The following CSMD2 variants were observed in gnomAD, a reference collection of about 807,000 sequenced individuals.
The protein encoded by CSMD2 is CUB and Sushi multiple domains 2, also known as CUB and sushi domain-containing protein 2.
In CSMD2, 130 loss-of-function variants were observed where a neutral mutation model predicts 398.5. The ratio of observed to expected loss-of-function variants is 0.33; its 90% CI spans 0.28 to 0.38. The LOEUF (loss-of-function observed/expected upper bound fraction) is 0.38, where lower values mean the gene tolerates loss of function less well. Ranked by LOEUF, CSMD2 falls within the 10% of genes least tolerant of loss-of-function variation. The probability of loss-of-function intolerance (pLI) is 1.00; values close to 1 mark genes in which losing one functional copy is unlikely to be tolerated. For missense variants in CSMD2, 3,829 were observed against 4,764.9 expected, an observed-to-expected ratio of 0.80 and a Z score of 5.78; for synonymous variants, 1,828 against 1,908.5, an observed-to-expected ratio of 0.96 and a Z score of 1.10.
intron 21 of CSMD2, among the ~76,000 whole-genome samples, chr1:33,710,670 G>A (rs72662077): frequency 0.052 from 7,910 of 152,198 alleles, 257 homozygotes; most frequent in South Asian, 0.07. Flanking sequence ...TTGACCAAAG[G>A]GCCATTGCTT....
intron 19 of CSMD2, 57 bp from the exon 20 acceptor site, chr1:33,716,558 C>G: frequency 8.7e-7 from 1 of 1,143,840 alleles, no homozygotes; most frequent in Non-Finnish European, 1.2e-6. Context: ...AGAACCTCAG[C>G]TGCAAGACAG....
chr1:33,539,160 G>T (rs1656091284), intron 60 of CSMD2, among the ~76,000 whole-genome samples: 1 of 152,080 alleles, frequency 6.6e-6, no homozygotes, highest in South Asian at 2.1e-4. Context: ...TACAGACAGG[G>T]TTTCACCTTG....
chr1:33,635,118 G>A lies in CSMD2; in HGVS notation c.5086+96C>T, dbSNP rs1642719337. On this transcript the variant is annotated intron_variant, in intron 31 of 70. Coordinates refer to ENST00000373381, the MANE Select transcript of CSMD2 (RefSeq NM_001281956.2). This position sits in a 1 kb window ranked among gnomAD's most constrained non-coding sequence, Gnocchi z 5.0. ...ACTGTTCTGCGATTCCCACAATGGG[G>A]CTGTATATAATTGGGAGGCGTCTGA... The A allele has an allele frequency of 1.4e-6, 1 of 738,574 alleles. No homozygotes were observed. Among genetic ancestry groups the A allele is most frequent in the African/African-American group, 1.7e-5 (1 of 57,166 alleles). 45.8% of individuals were successfully genotyped at this position (738,574 alleles called of 1,614,324 possible).
At chr1:33,955,609 G>A (rs2125381262) in intron 3 of CSMD2, among the ~76,000 whole-genome samples, 1 of 152,246 alleles carries the variant, frequency 6.6e-6, no homozygotes, top group Non-Finnish European at 1.5e-5. Context: ...CTCATCTGTA[G>A]AATGAAATGT....
chr1:34,030,721 C>A (rs10914852), intron 3 of CSMD2, among the ~76,000 whole-genome samples: 1 of 152,070 alleles, frequency 6.6e-6, no homozygotes, highest in Non-Finnish European at 1.5e-5. Flanking sequence ...CACCTTTTTC[C>A]TCAAGCCTCA....
chr1:34,025,095 G>T (rs1015957882), intron 3 of CSMD2, among the ~76,000 whole-genome samples: 3 of 152,124 alleles, frequency 2.0e-5, no homozygotes, highest in African/African-American at 2.4e-5. Context: ...GTGTTCTGAG[G>T]CTTGCTCCTA....
intron 2 of CSMD2, 51 bp downstream of exon 2, chr1:34,088,926 C>T (rs967571637): frequency 1.4e-6 from 2 of 1,474,906 alleles, no homozygotes; most frequent in Non-Finnish European, 1.9e-6. Context: ...TCCTAGTGAG[C>T]TTGGCTCATA....
chr1:33,952,630 TAC>T (rs1369832931), intron 3 of CSMD2, among the ~76,000 whole-genome samples: 2 of 152,116 alleles, frequency 1.3e-5, no homozygotes, highest in Non-Finnish European at 2.9e-5. Context: ...TCAGAGCATT[TAC>T]AGTCATGAGT....
chr1:33,670,800 T>C (rs1644471334), intron 25 of CSMD2, among the ~76,000 whole-genome samples: 2 of 152,222 alleles, frequency 1.3e-5, no homozygotes, highest in Admixed American at 1.3e-4. Context: ...GAATATGGCA[T>C]GCTTCCACCC....
intron 5 of CSMD2, among the ~76,000 whole-genome samples, chr1:33,849,095 C>A (rs2125084700): frequency 6.6e-6 from 1 of 152,246 alleles, no homozygotes; most frequent in African/African-American, 2.4e-5. Context: ...ACACATTTAC[C>A]CACTCCTAGA....
intron 1 of CSMD2, among the ~76,000 whole-genome samples, chr1:34,119,141 G>A (rs978463952): frequency 2.6e-5 from 4 of 152,178 alleles, no homozygotes; most frequent in Admixed American, 1.3e-4. Context: ...AATGGTCTTT[G>A]ACAAGGGTGT....
Position 34,037,119 on chromosome 1 carries a change from A to AATTT in CSMD2, c.405-4414_405-4413insAAAT, listed in dbSNP as rs1558283076. Among the ~76,000 whole-genome samples the AATTT allele has an allele frequency of 5.7e-3, 862 of 151,636 alleles. 10 individuals carry two copies. The highest frequency in any genetic ancestry group is 0.024 in the Middle Eastern group (7 of 286). On this transcript the variant is annotated intron_variant, in intron 2 of 70. Coordinates refer to ENST00000373381, the MANE Select transcript of CSMD2 (RefSeq NM_001281956.2). ...AAACACCCTCTACCAATAAAAAATT[A>AATTT]AATTTAATAAGTTTTAAAAAATTAT...
rs759019312 is a variant in CSMD2 at position 33,541,300 on chromosome 1, C to T, written c.9287G>A (p.Cys3096Tyr). ...ATTGGCTGGAATCCCAGGGTCACCACAGTTTATGACTAGGATAAGAGAGAT... is the reference window on the plus strand; with the variant it reads ...ATTGGCTGGAATCCCAGGGTCACCATAGTTTATGACTAGGATAAGAGAGAT... ...GSDPECLVIN[C>Y]GDPGIPANGL... Residue 3096 changes from cysteine to tyrosine, a missense_variant, in exon 59 of 71, where the codon TGT (cysteine) becomes TAT (tyrosine). By Grantham distance (194) the Cys-to-Tyr change is radical. Transcript: ENST00000373381. The T allele has an allele frequency of 6.2e-7, 1 of 1,613,840 alleles. No individual in the cohort carries two copies. Among genetic ancestry groups the T allele is most frequent in the Non-Finnish European group, 8.5e-7 (1 of 1,179,784 alleles).
chr1:33,557,650 AC>A, intron 55 of CSMD2, 83 bp downstream of exon 55: 6 of 1,172,858 alleles, frequency 5.1e-6, no homozygotes, highest in African/African-American at 1.6e-5. Context: ...ACACACACAC[AC>A]ACACACACAT....
At chr1:33,611,400 G>A (rs1333595563) in intron 40 of CSMD2, 150 bp from the exon 41 acceptor site, 4 of 661,342 alleles carry the variant, frequency 6.0e-6, no homozygotes, top group East Asian at 5.4e-5. Flanking sequence ...TTTGGGAATT[G>A]CCCGTCCAGC....
At chr1:34,048,586 C>T (rs964431254) in intron 2 of CSMD2, among the ~76,000 whole-genome samples, 2 of 152,184 alleles carry the variant, frequency 1.3e-5, no homozygotes, top group African/African-American at 4.8e-5. Context: ...AGATGCTGAA[C>T]ATGCCTGCAA....
At chr1:33,547,799 A>G (rs1485304285) in intron 56 of CSMD2, among the ~76,000 whole-genome samples, 1 of 152,246 alleles carries the variant, frequency 6.6e-6, no homozygotes, top group African/African-American at 2.4e-5. Flanking sequence ...GATGGTGAGC[A>G]GCTCTAACCC....
intron 58 of CSMD2, among the ~76,000 whole-genome samples, chr1:33,541,662 C>T (rs1204774012): frequency 6.6e-6 from 1 of 152,076 alleles, no homozygotes; most frequent in Non-Finnish European, 1.5e-5. Flanking sequence ...TTGTCAAATC[C>T]CTGGCATCAG....
At chr1:33,605,497 C>T (rs2148819422) in intron 41 of CSMD2, 27 bp from the exon 42 acceptor site, 1 of 1,610,880 alleles carries the variant, frequency 6.2e-7, no homozygotes, top group Non-Finnish European at 8.5e-7. Flanking sequence ...GAAAAGGTCA[C>T]TTTATTCTCT....
Sources: allele counts gnomAD v4.1 joint callset (sites outside exome capture counted in the v4.1 genomes callset), GRCh38; gene constraint gnomAD v4.1.1; non-coding constraint Gnocchi (gnomAD v3.1); transcripts MANE v1.5; gene names NCBI Gene and HGNC (gene_info 2026-07-23, HGNC 2026-07-21).